Variants in PTK2 observed in about 807,000 individuals in gnomAD.
PTK2 encodes the protein protein tyrosine kinase 2, also known as focal adhesion kinase 1.
A neutral mutation model predicts 150.1 loss-of-function variants in PTK2; 45 were observed. The observed-to-expected ratio is 0.30, with a 90% CI of 0.24 to 0.38. The LOEUF (loss-of-function observed/expected upper bound fraction) is 0.38, where lower values mean the gene tolerates loss of function less well. PTK2 is among the 10% of genes least tolerant of loss of function. The pLI is 1.00. For synonymous variants in PTK2, 432 were observed against 449.2 expected (o/e 0.96, Z 0.48); for missense variants, 919 against 1,307.3 (o/e 0.70, Z 4.58).
intron 17 of PTK2, 168 bp downstream of exon 20, chr8:140,752,064 C>G: frequency 1.4e-6 from 1 of 706,836 alleles, no homozygotes; most frequent in Middle Eastern, 2.9e-4. Flanking sequence ...CTGGAAAAAT[C>G]TGTAGATAGG....
chr8:140,955,635 T>C (rs577479648), intron 1 of PTK2, among the ~76,000 whole-genome samples: 180 of 152,260 alleles, frequency 1.2e-3, no homozygotes, highest in African/African-American at 4.1e-3. Context: ...ACACTGAAGA[T>C]AGAAACCGAA....
At chr8:140,826,576 C>T (rs1182434299) in intron 8 of PTK2, among the ~76,000 whole-genome samples, 2 of 152,162 alleles carry the variant, frequency 1.3e-5, no homozygotes, top group South Asian at 2.1e-4. Flanking sequence ...ATTCTATTTA[C>T]ATCAAAATCA....
At chr8:140,666,676 G>A (rs1563889683) in intron 30 of PTK2, among the ~76,000 whole-genome samples, 1 of 152,156 alleles carries the variant, frequency 6.6e-6, no homozygotes, top group East Asian at 1.9e-4. Flanking sequence ...CTGTTGGAGG[G>A]AATGTAAGAT....
intron 1 of PTK2, among the ~76,000 whole-genome samples, chr8:140,947,944 G>GCTCTTTAT (rs2100178240): frequency 2.6e-5 from 4 of 152,028 alleles, no homozygotes; most frequent in Admixed American, 2.6e-4. Context: ...TAAAGCAAAG[G>GCTCTTTAT]TTTCTGGTAT....
chr8:140,778,333 T>TC (rs2100079604), intron 14 of PTK2, among the ~76,000 whole-genome samples: 1 of 152,170 alleles, frequency 6.6e-6, no homozygotes, highest in African/African-American at 2.4e-5. Flanking sequence ...CATCTGTAGT[T>TC]CCAGCTACTC....
At position 140,890,766 on chromosome 8, in the gene PTK2, T is replaced by C. The variant is rs756826351; in HGVS notation, c.-29A>G. On this transcript the variant is annotated 5_prime_UTR_variant, in exon 3 of 32. The change creates a new upstream start codon in the 5' untranslated region. Transcript: ENST00000522684. The stretch of plus-strand genomic sequence containing the variant: ...TTTGCTAGATGCTAGGTATCTGTCA[T>C]ATTCTGTTAAAAGAACAAAATAATT... 8 of 1,613,438 alleles carry C rather than the reference T, an allele frequency of 5.0e-6. No individual in the cohort carries two copies. In the East Asian group the frequency reaches 1.3e-4, roughly 27 times the overall value.
intron 16 of PTK2, among the ~76,000 whole-genome samples, chr8:140,753,513 G>A (rs1279664132): frequency 5.3e-5 from 8 of 152,170 alleles, no homozygotes. Context: ...AAATCACCAA[G>A]GGAGATGAGA....
At chr8:140,692,916 C>A (rs1268954170) in intron 26 of PTK2, among the ~76,000 whole-genome samples, 2 of 152,214 alleles carry the variant, frequency 1.3e-5, no homozygotes, top group African/African-American at 2.4e-5. Context: ...TTCAGACTGA[C>A]TGGATCTGCT....
intron 4 of PTK2, among the ~76,000 whole-genome samples, chr8:140,876,203 T>G (rs2100145398): frequency 6.6e-6 from 1 of 152,182 alleles, no homozygotes; most frequent in Non-Finnish European, 1.5e-5. Flanking sequence ...TTTTCCATCT[T>G]GCATCCGAGA....
At chr8:140,809,486 A>G (rs1390132477) in intron 10 of PTK2, among the ~76,000 whole-genome samples, 1 of 152,204 alleles carries the variant, frequency 6.6e-6, no homozygotes, top group Non-Finnish European at 1.5e-5. Flanking sequence ...ACCAAAGCCG[A>G]CACAAGTGGA....
At chr8:140,967,346 A>G (rs1331054909) in intron 1 of PTK2, among the ~76,000 whole-genome samples, 4 of 152,232 alleles carry the variant, frequency 2.6e-5, no homozygotes, top group African/African-American at 4.8e-5. Flanking sequence ...TTGACAAATT[A>G]TAAGTTATCT....
At chr8:140,900,510 C>T (rs1367848087) in intron 2 of PTK2, among the ~76,000 whole-genome samples, 1 of 151,926 alleles carries the variant, frequency 6.6e-6, no homozygotes, top group East Asian at 1.9e-4. Context: ...TCACTAGAGG[C>T]CAGGAGTTCA....
In PTK2 at chr8:140,962,616, G is replaced by A. The variant is rs547616992; in HGVS notation, c.-121-36867C>T. On this transcript the variant is annotated intron_variant, in intron 1 of 31. Transcript: ENST00000522684. ...GATCGAGACCATCCTGGCTAACACA[G>A]TGAAACCTACTAAAAATACAAAAAA... Among the ~76,000 whole-genome samples the A allele has an allele frequency of 1.1e-3, 174 of 152,022 alleles. 1 individual carries two copies. Among genetic ancestry groups the A allele is most frequent in the Non-Finnish European group, 1.6e-3 (107 of 67,934 alleles).
intron 1 of PTK2, among the ~76,000 whole-genome samples, chr8:140,979,242 CTAAACCT>C (rs1278857355): frequency 9.3e-5 from 14 of 150,894 alleles, no homozygotes; most frequent in Non-Finnish European, 5.9e-5. Flanking sequence ...CACATGTACC[CTAAACCT>C]TAAAGTATTA....
rs2100096502 is a variant in PTK2 at position 140,803,524 on chromosome 8, G to A, written c.975+19C>T. Reference sequence around the variant, plus strand: ...TATTTAACCATTTTCCCTTAATGATGAACGTAACAGTTCCTTACCTCGGGT... The same window carrying A: ...TATTTAACCATTTTCCCTTAATGATAAACGTAACAGTTCCTTACCTCGGGT... On this transcript the variant is annotated intron_variant, in intron 11 of 31. Transcript: ENST00000522684. The A allele has an allele frequency of 6.4e-7, 1 of 1,572,314 alleles. No individual in the cohort carries two copies. The highest frequency in any genetic ancestry group is 8.8e-7 in the Non-Finnish European group (1 of 1,142,202).
chr8:140,907,075 T>C (rs1379354480), intron 2 of PTK2, among the ~76,000 whole-genome samples: 2 of 152,230 alleles, frequency 1.3e-5, no homozygotes, highest in Admixed American at 6.5e-5. Flanking sequence ...TGAAGACAGA[T>C]GCTCAATCTG....
At chr8:140,781,669 G>A (rs1468343048) in intron 14 of PTK2, among the ~76,000 whole-genome samples, 1 of 152,190 alleles carries the variant, frequency 6.6e-6, no homozygotes, top group Non-Finnish European at 1.5e-5. Context: ...CCCTTGCCAG[G>A]GAGGTCTGTG....
intron 5 of PTK2, among the ~76,000 whole-genome samples, chr8:140,856,110 A>G (rs1453767088): frequency 6.6e-6 from 1 of 152,234 alleles, no homozygotes; most frequent in Non-Finnish European, 1.5e-5. Context: ...TGGTACCCAG[A>G]GAAGTGAACA....
chr8:140,778,734 G>T (rs2154566239), intron 14 of PTK2, among the ~76,000 whole-genome samples: 1 of 152,260 alleles, frequency 6.6e-6, no homozygotes, highest in Non-Finnish European at 1.5e-5. Flanking sequence ...GGCCAGGGAA[G>T]GATACAATTA....
Sources: allele counts gnomAD v4.1 joint callset (sites outside exome capture counted in the v4.1 genomes callset), GRCh38; gene constraint gnomAD v4.1.1; transcripts MANE v1.5; gene names NCBI Gene and HGNC (gene_info 2026-07-23, HGNC 2026-07-21).